The following XPO6 variants were observed in gnomAD, a reference collection of about 807,000 sequenced individuals.
XPO6 encodes exportin 6.
A neutral mutation model predicts 130.0 loss-of-function variants in XPO6; 3 were observed. The observed-to-expected ratio is 0.02, with a 90% CI of 0.01 to 0.06. The LOEUF is 0.06. XPO6 is among the 10% of genes least tolerant of loss of function. The probability of loss-of-function intolerance (pLI) is 1.00; values close to 1 mark genes in which losing one functional copy is unlikely to be tolerated. For missense variants in XPO6, 970 were observed against 1,393.0 expected (o/e 0.70, Z 4.83); for synonymous variants, 524 against 548.9 (o/e 0.95, Z 0.63).
intron 12 of XPO6, among the ~76,000 whole-genome samples, chr16:28,129,629 T>A (rs1435059442): frequency 6.6e-6 from 1 of 152,202 alleles, no homozygotes; most frequent in African/African-American, 2.4e-5. Flanking sequence ...CATAATTTAG[T>A]CTTCTCTTTT....
At chr16:28,183,520 AC>A (rs1256324679) in intron 1 of XPO6, 1 of 151,904 alleles carries the variant, frequency 6.6e-6, no homozygotes, top group East Asian at 1.9e-4. Context: ...CCGGGGCATT[AC>A]CAGGTGTTTC....
At chr16:28,102,840 G>A (rs548910117) in intron 21 of XPO6, among the ~76,000 whole-genome samples, 1 of 152,246 alleles carries the variant, frequency 6.6e-6, no homozygotes, top group African/African-American at 2.4e-5. Context: ...AATAGAAAGT[G>A]ACCATGGGGG....
intron 6 of XPO6, among the ~76,000 whole-genome samples, chr16:28,163,345 C>T (rs890383902): frequency 2.6e-5 from 4 of 152,242 alleles, no homozygotes; most frequent in African/African-American, 7.2e-5. Flanking sequence ...GATACATCCT[C>T]ATCCTGAAGA....
intron 11 of XPO6, 91 bp downstream of exon 11, chr16:28,133,750 G>GGA (rs367752107): frequency 6.4e-5 from 72 of 1,117,666 alleles, no homozygotes; most frequent in Middle Eastern, 4.0e-4. Flanking sequence ...GGGAAAGAGG[G>GGA]GAGAGAGAGA....
chr16:28,156,442 C>T lies in XPO6; in HGVS notation c.729G>A (p.Glu243=). ...ACTCCAAAGCCAGGGAACAGATATACTCACTCTCCACATCAAGGATGGGAA... is the reference window on the plus strand; with the variant it reads ...ACTCCAAAGCCAGGGAACAGATATATTCACTCTCCACATCAAGGATGGGAA... The part of the protein sequence containing the change: ...QPIPILDVES[E]YICSLALECL... The change falls in exon 7 of 24, where the codon GAG becomes GAA. Residue 243 remains glutamate (E), a synonymous_variant. Coordinates refer to ENST00000304658, the MANE Select transcript of XPO6 (RefSeq NM_015171.4). 1.2e-6 allele frequency: 2 copies of T among 1,613,494 alleles called. No homozygotes were observed. Among genetic ancestry groups the T allele is most frequent in the East Asian group, 2.2e-5 (1 of 44,868 alleles).
intron 6 of XPO6, among the ~76,000 whole-genome samples, chr16:28,157,651 T>C (rs111370509): frequency 9.2e-5 from 14 of 152,146 alleles, no homozygotes; most frequent in Non-Finnish European, 4.4e-5. Context: ...AGGCAGTTGA[T>C]ATGGAGAGAC....
At chr16:28,148,823 C>T (rs565817956) in intron 8 of XPO6, among the ~76,000 whole-genome samples, 4 of 151,970 alleles carry the variant, frequency 2.6e-5, no homozygotes, top group African/African-American at 9.7e-5. Flanking sequence ...AAGTGGATCA[C>T]CTAAGGTCAG....
intron 15 of XPO6, among the ~76,000 whole-genome samples, chr16:28,114,224 G>A (rs527532664): frequency 2.0e-5 from 3 of 149,082 alleles, no homozygotes; most frequent in Non-Finnish European, 4.4e-5. Context: ...AAAACCACTG[G>A]ACATTTTGAC....
intron 15 of XPO6, among the ~76,000 whole-genome samples, chr16:28,116,018 A>G (rs1017171407): frequency 1.4e-4 from 21 of 152,258 alleles, no homozygotes; most frequent in Admixed American, 1.4e-3. Flanking sequence ...TGTTGTGGCT[A>G]GCTTGGTCTA....
chr16:28,129,911 T>C (rs962771172), intron 12 of XPO6, among the ~76,000 whole-genome samples: 1 of 152,166 alleles, frequency 6.6e-6, no homozygotes, highest in South Asian at 2.1e-4. Flanking sequence ...ATGGAGGCTT[T>C]GGGGTCACAT....
intron 9 of XPO6, among the ~76,000 whole-genome samples, chr16:28,136,841 T>C (rs1045575955): frequency 8.5e-5 from 13 of 152,246 alleles, no homozygotes; most frequent in Non-Finnish European, 1.9e-4. Context: ...ACTGCTCCCA[T>C]TCACAGAGCA....
chr16:28,176,136 C>G, intron 3 of XPO6, 41 bp from the exon 4 acceptor site: 1 of 1,594,030 alleles, frequency 6.3e-7, no homozygotes, highest in Non-Finnish European at 8.6e-7. Flanking sequence ...ACAACCTATA[C>G]ACAAAAATAA....
In XPO6 at chr16:28,156,235, G is replaced by C. The variant is rs748438344; in HGVS notation, c.936C>G (p.Ala312=). 50 of 1,614,042 alleles carry C rather than the reference G, an allele frequency of 3.1e-5. No individual in the cohort carries two copies. The highest frequency in any genetic ancestry group is 6.8e-6 in the Non-Finnish European group (8 of 1,180,042). Residue 312 remains alanine (A), a synonymous_variant, in exon 7 of 24, where the codon GCC becomes GCG. Coordinates refer to ENST00000304658, the MANE Select transcript of XPO6 (RefSeq NM_015171.4). ...GQERGRLGVL[A]MSCINELMSK... The stretch of plus-strand genomic sequence containing the variant: ...ACATGAGTTCATTGATGCAGGACAT[G>C]GCCAGGACCCCCAGCCGGCCGCGCT...
At chr16:28,191,041 GC>G (rs2043779264) in intron 1 of XPO6, among the ~76,000 whole-genome samples, 1 of 152,104 alleles carries the variant, frequency 6.6e-6, no homozygotes, top group Non-Finnish European at 1.5e-5. Context: ...CCATCCACTG[GC>G]CGGTACCCTC....
chr16:28,137,575 A>C (rs757632706), intron 9 of XPO6, among the ~76,000 whole-genome samples: 1 of 152,180 alleles, frequency 6.6e-6, no homozygotes, highest in East Asian at 1.9e-4. Flanking sequence ...TGTGATGAGA[A>C]TCAGTCTACA....
chr16:28,149,121 C>T (rs548220308), intron 8 of XPO6, among the ~76,000 whole-genome samples: 1 of 151,278 alleles, frequency 6.6e-6, no homozygotes, highest in African/African-American at 2.4e-5. Context: ...GCCCTCCCCC[C>T]CAGGGTATAC....
At position 28,132,758 on chromosome 16, in the gene XPO6, G is replaced by C. The variant is rs1188303122; in HGVS notation, c.1537-355C>G. ...TACACCTTCTAGAACTCTGAGAAGG[G>C]ACCATATCTCCCTTCAAATCCAAGG... is the stretch of plus-strand genomic sequence containing the variant. On this transcript the variant is annotated intron_variant, in intron 11 of 23. Transcript: ENST00000304658. The surrounding 1 kb of genome is among the most constrained non-coding windows in gnomAD (Gnocchi z 4.0). Among the ~76,000 whole-genome samples, 1 of 148,818 alleles carries C rather than the reference G, an allele frequency of 6.7e-6. No individual in the cohort carries two copies. The highest frequency in any genetic ancestry group is 1.5e-5 in the Non-Finnish European group (1 of 67,446).
intron 6 of XPO6, among the ~76,000 whole-genome samples, chr16:28,158,237 A>C (rs2043213970): frequency 6.6e-6 from 1 of 152,238 alleles, no homozygotes; most frequent in Non-Finnish European, 1.5e-5. Context: ...GCTGTTGATT[A>C]CGGGGAAGGG....
chr16:28,158,564 C>A (rs1422601486), intron 6 of XPO6, among the ~76,000 whole-genome samples: 1 of 152,140 alleles, frequency 6.6e-6, no homozygotes, highest in Non-Finnish European at 1.5e-5. Flanking sequence ...ACTATTTGTA[C>A]ATTTTTCTCA....
Sources: allele counts gnomAD v4.1 joint callset (sites outside exome capture counted in the v4.1 genomes callset), GRCh38; gene constraint gnomAD v4.1.1; non-coding constraint Gnocchi (gnomAD v3.1); transcripts MANE v1.5; gene names NCBI Gene and HGNC (gene_info 2026-07-23, HGNC 2026-07-21).